The following WNT7A variants were observed in gnomAD, a reference collection of about 807,000 sequenced individuals.
WNT7A encodes Wnt family member 7A.
Under a neutral mutation model 28.2 loss-of-function variants are expected in WNT7A, and 16 were observed. The ratio of observed to expected loss-of-function variants is 0.57; its 90% CI spans 0.38 to 0.86. The LOEUF (loss-of-function observed/expected upper bound fraction) is 0.86, where lower values mean the gene tolerates loss of function less well. WNT7A is among the 40% of genes least tolerant of loss of function. WNT7A has a pLI of 0.00. For synonymous variants in WNT7A, 190 were observed against 195.9 expected (o/e 0.97, Z 0.25); for missense variants, 411 against 489.7 (o/e 0.84, Z 1.52).
chr3:13,823,408 G>A (rs923383845), intron 3 of WNT7A, among the ~76,000 whole-genome samples: 4 of 152,192 alleles, frequency 2.6e-5, no homozygotes, highest in African/African-American at 9.7e-5. Context: ...CCAAGGGGGT[G>A]CATTCAAATC....
In WNT7A at chr3:13,854,594, G is replaced by C. The variant is rs781226883; in HGVS notation, c.508C>G (p.Arg170Gly). Residue 170 changes from arginine to glycine, a missense_variant, in exon 3 of 4, where the codon CGG becomes GGG. Arg to Gly is a moderately radical substitution (Grantham distance 125, BLOSUM62 -2). Coordinates refer to ENST00000285018, the MANE Select transcript of WNT7A (RefSeq NM_004625.4). ...GTCCGGGCATTCTGCTTGATCTCCC[G>C]GGCATCCACAAAGACCTTGGCGAAG... is the stretch of plus-strand genomic sequence containing the variant. ...IGFAKVFVDA[R>G]EIKQNARTLM... 6.2e-7 allele frequency: 1 copy of C among 1,614,056 alleles called. No homozygotes were observed. The highest frequency in any genetic ancestry group is 8.5e-7 in the Non-Finnish European group (1 of 1,180,024).
intron 2 of WNT7A, among the ~76,000 whole-genome samples, chr3:13,861,411 G>A (rs1397965639): frequency 1.3e-5 from 2 of 152,252 alleles, no homozygotes; most frequent in African/African-American, 2.4e-5. Context: ...TATGTGCCAG[G>A]CACTGTTCTA....
Position 13,879,741 on chromosome 3 carries a change from C to T in WNT7A, c.71+5G>A, listed in dbSNP as rs745417809. 17 of 1,612,220 alleles carry T rather than the reference C, an allele frequency of 1.1e-5. No homozygotes were observed. The highest frequency in any genetic ancestry group is 1.4e-5 in the Non-Finnish European group (16 of 1,178,946). On this transcript the variant is annotated splice_donor_5th_base_variant and intron_variant, in intron 1 of 3. Coordinates refer to ENST00000285018, the MANE Select transcript of WNT7A (RefSeq NM_004625.4). ...ACGCGCGGAAAGGGCGCAGGCAGCCCTTACCCGATCCGGAGGTAGACCATG... is the reference window on the plus strand; with the variant it reads ...ACGCGCGGAAAGGGCGCAGGCAGCCTTTACCCGATCCGGAGGTAGACCATG...
At chr3:13,838,505 T>C (rs1287797872) in intron 3 of WNT7A, among the ~76,000 whole-genome samples, 1 of 152,230 alleles carries the variant, frequency 6.6e-6, no homozygotes, top group African/African-American at 2.4e-5. Flanking sequence ...TCTCTGAGCC[T>C]GGTCCTTCAA....
At chr3:13,829,021 GAGGCCGAA>G (rs753803709) in intron 3 of WNT7A, among the ~76,000 whole-genome samples, 9 of 152,172 alleles carry the variant, frequency 5.9e-5, no homozygotes, top group Non-Finnish European at 1.0e-4. Context: ...TCTGACCACG[GAGGCCGAA>G]AGCATAACAC....
At chr3:13,843,703 G>A (rs1559299477) in intron 3 of WNT7A, among the ~76,000 whole-genome samples, 1 of 151,786 alleles carries the variant, frequency 6.6e-6, no homozygotes. Context: ...AAAAAAAAAG[G>A]TCATGCAAAT....
intron 3 of WNT7A, among the ~76,000 whole-genome samples, chr3:13,822,861 G>A (rs2124827568): frequency 6.6e-6 from 1 of 152,270 alleles, no homozygotes; most frequent in South Asian, 2.1e-4. Context: ...CTAAGCAATG[G>A]CCCTAGTGCA....
chr3:13,846,247 C>T (rs1194330578), intron 3 of WNT7A, among the ~76,000 whole-genome samples: 1 of 152,238 alleles, frequency 6.6e-6, no homozygotes, highest in Non-Finnish European at 1.5e-5. Context: ...ACTGTAGTCT[C>T]CAAATTCCTC....
intron 3 of WNT7A, among the ~76,000 whole-genome samples, chr3:13,831,529 A>G (rs370990870): frequency 3.9e-5 from 6 of 152,096 alleles, no homozygotes; most frequent in Admixed American, 3.3e-4. Context: ...TGGCTTGTGT[A>G]GTGGACACTG....
chr3:13,864,226 A>G (rs1041719281), intron 2 of WNT7A, among the ~76,000 whole-genome samples: 1 of 152,118 alleles, frequency 6.6e-6, no homozygotes, highest in Non-Finnish European at 1.5e-5. Context: ...ATCTTCCTAC[A>G]TCCTGTCTCT....
At chr3:13,872,646 T>A (rs1695043672) in intron 2 of WNT7A, among the ~76,000 whole-genome samples, 1 of 152,218 alleles carries the variant, frequency 6.6e-6, no homozygotes. Flanking sequence ...CTCTTGCCAC[T>A]GGCCTCTGCT....
chr3:13,837,813 C>A (rs1694393503), intron 3 of WNT7A, among the ~76,000 whole-genome samples: 1 of 152,196 alleles, frequency 6.6e-6, no homozygotes, highest in Non-Finnish European at 1.5e-5. Flanking sequence ...CAAGGCCCTG[C>A]CCAGGTGGCC....
rs1443033409 is a variant in WNT7A at position 13,818,879 on chromosome 3, CTTGGAAACGG to C, written c.*55_*64del. The C allele has an allele frequency of 5.9e-6, 9 of 1,516,192 alleles. No individual in the cohort carries two copies. Among genetic ancestry groups the C allele is most frequent in the Non-Finnish European group, 7.1e-6 (8 of 1,129,976 alleles). 93.9% of individuals were successfully genotyped at this position (1,516,192 alleles called of 1,614,324 possible). On this transcript the variant is annotated 3_prime_UTR_variant, in exon 4 of 4. Transcript: ENST00000285018. ...CAGCATCCTGCCAGGGAGCCCGCAG[CTTGGAAACGG>C]TCCAGTCCTCCCAGCAATCTGACTT...
intron 2 of WNT7A, among the ~76,000 whole-genome samples, chr3:13,872,982 G>A (rs1396217609): frequency 6.6e-6 from 1 of 151,334 alleles, no homozygotes; most frequent in East Asian, 2.0e-4. Flanking sequence ...AAACAATGCT[G>A]GAGCCCATGC....
At chr3:13,828,745 T>C (rs1694235791) in intron 3 of WNT7A, among the ~76,000 whole-genome samples, 1 of 152,168 alleles carries the variant, frequency 6.6e-6, no homozygotes. Flanking sequence ...CCAGCCTGGC[T>C]CCTCTGCAGG....
chr3:13,831,338 T>C (rs569271467), intron 3 of WNT7A, among the ~76,000 whole-genome samples: 1 of 152,260 alleles, frequency 6.6e-6, no homozygotes, highest in Admixed American at 6.5e-5. Flanking sequence ...CATCAGCCCA[T>C]TTCACAGATG....
intron 3 of WNT7A, among the ~76,000 whole-genome samples, chr3:13,821,594 G>A (rs1188810079): frequency 6.6e-6 from 1 of 152,186 alleles, no homozygotes; most frequent in African/African-American, 2.4e-5. Context: ...CAATGACAAT[G>A]AACAGCTCTA....
At chr3:13,832,288 C>T (rs1057171982) in intron 3 of WNT7A, among the ~76,000 whole-genome samples, 3 of 151,182 alleles carry the variant, frequency 2.0e-5, no homozygotes, top group African/African-American at 7.3e-5. Flanking sequence ...TCTTCCTCTG[C>T]AGGCTCCTCC....
intron 2 of WNT7A, among the ~76,000 whole-genome samples, chr3:13,872,024 T>C (rs4685043): frequency 0.8 from 121,848 of 152,004 alleles, 49,901 homozygotes; most frequent in East Asian, 1. Flanking sequence ...GGCCTTTGCA[T>C]CTACTGTTCC....
Sources: allele counts gnomAD v4.1 joint callset (sites outside exome capture counted in the v4.1 genomes callset), GRCh38; gene constraint gnomAD v4.1.1; transcripts MANE v1.5; gene names NCBI Gene and HGNC (gene_info 2026-07-23, HGNC 2026-07-21).